The following NRXN3 variants were observed in gnomAD, a reference collection of about 807,000 sequenced individuals.
The protein encoded by NRXN3 is neurexin 3.
In NRXN3, 32 loss-of-function variants were observed where a neutral mutation model predicts 137.6. That is an observed-to-expected ratio of 0.23 (90% CI 0.18 to 0.31). The LOEUF (loss-of-function observed/expected upper bound fraction) is 0.31, where lower values mean the gene tolerates loss of function less well. Among genes scored for constraint, NRXN3 ranks in the 10% least tolerant of loss-of-function variants. The pLI is 1.00. For synonymous variants in NRXN3, 798 were observed against 784.5 expected, an observed-to-expected ratio of 1.02 and a Z score of -0.29; for missense variants, 1,574 against 2,062.5, an observed-to-expected ratio of 0.76 and a Z score of 4.59.
At chr14:78,801,582 A>G (rs1349792240) in intron 8 of NRXN3, among the ~76,000 whole-genome samples, 1 of 152,174 alleles carries the variant, frequency 6.6e-6, no homozygotes, top group Non-Finnish European at 1.5e-5. Context: ...ATTATCTCCC[A>G]CTAGGCCCCT....
chr14:78,419,237 TTTTTA>T (rs1012422002), intron 4 of NRXN3, among the ~76,000 whole-genome samples: 5 of 152,172 alleles, frequency 3.3e-5, no homozygotes, highest in African/African-American at 1.2e-4. Context: ...CTTTTTAATT[TTTTTA>T]TTTTATTTTA....
intron 4 of NRXN3, among the ~76,000 whole-genome samples, chr14:78,561,031 T>TAG (rs2096781730): frequency 6.6e-6 from 1 of 152,194 alleles, no homozygotes; most frequent in African/African-American, 2.4e-5. Flanking sequence ...TTTAGTGACT[T>TAG]AGAACAGCAT....
At chr14:79,106,631 A>G (rs1456049458) in intron 15 of NRXN3, among the ~76,000 whole-genome samples, 1 of 152,178 alleles carries the variant, frequency 6.6e-6, no homozygotes, top group African/African-American at 2.4e-5. Flanking sequence ...GACACATCAT[A>G]TAATTTAAAT....
chr14:78,343,401 G>A (rs928352818), intron 4 of NRXN3, among the ~76,000 whole-genome samples: 5 of 152,130 alleles, frequency 3.3e-5, no homozygotes, highest in African/African-American at 7.2e-5. Flanking sequence ...CTCCCAAATC[G>A]CTCATGTTCT....
At chr14:79,568,538 A>G (rs901701468) in intron 16 of NRXN3, among the ~76,000 whole-genome samples, 18 of 146,964 alleles carry the variant, frequency 1.2e-4, no homozygotes, top group African/African-American at 4.5e-4. Flanking sequence ...TTCTCACTAT[A>G]TCTACCCACC....
intron 16 of NRXN3, among the ~76,000 whole-genome samples, chr14:79,518,367 G>A (rs955097545): frequency 6.6e-6 from 1 of 151,974 alleles, no homozygotes; most frequent in South Asian, 2.1e-4. Flanking sequence ...TCTATTTAGT[G>A]ACATGATCTG....
intron 4 of NRXN3, among the ~76,000 whole-genome samples, chr14:78,326,772 T>C (rs1326474837): frequency 1.3e-5 from 2 of 152,180 alleles, no homozygotes; most frequent in African/African-American, 4.8e-5. Context: ...TGATCTGTTC[T>C]AGGTGTGGGG....
intron 19 of NRXN3, among the ~76,000 whole-genome samples, chr14:79,759,080 A>T (rs2099029725): frequency 6.6e-6 from 1 of 152,200 alleles, no homozygotes; most frequent in African/African-American, 2.4e-5. Flanking sequence ...ATACCATGTA[A>T]TAAGATTTTT....
chr14:78,848,165 T>A (rs1267361641), intron 10 of NRXN3, among the ~76,000 whole-genome samples: 1 of 152,102 alleles, frequency 6.6e-6, no homozygotes, highest in African/African-American at 2.4e-5. Flanking sequence ...TGCTAGTTTA[T>A]CCTCCCTTCA....
intron 4 of NRXN3, among the ~76,000 whole-genome samples, chr14:78,335,257 A>G (rs1279192471): frequency 6.6e-6 from 1 of 152,222 alleles, no homozygotes; most frequent in Non-Finnish European, 1.5e-5. Flanking sequence ...AGGCTGTTGC[A>G]TTATTTTCCC....
intron 10 of NRXN3, among the ~76,000 whole-genome samples, chr14:78,955,926 G>C (rs1361566198): frequency 6.6e-6 from 1 of 152,072 alleles, no homozygotes; most frequent in Non-Finnish European, 1.5e-5. Context: ...AAATTACTTA[G>C]ATAAAATATA....
At chr14:78,986,440 G>A (rs1242678242) in intron 14 of NRXN3, among the ~76,000 whole-genome samples, 2 of 152,102 alleles carry the variant, frequency 1.3e-5, no homozygotes, top group South Asian at 4.2e-4. Context: ...GAAGAGAAGT[G>A]CCAGGCGGAC....
intron 4 of NRXN3, among the ~76,000 whole-genome samples, chr14:78,427,205 G>A (rs1448178087): frequency 6.6e-6 from 1 of 152,168 alleles, no homozygotes; most frequent in Admixed American, 6.5e-5. Flanking sequence ...CTTGATTTCA[G>A]TTATCTCACT....
At chr14:78,859,053 A>G (rs1322029114) in intron 10 of NRXN3, among the ~76,000 whole-genome samples, 2 of 151,842 alleles carry the variant, frequency 1.3e-5, no homozygotes, top group African/African-American at 4.9e-5. Flanking sequence ...AGGTAATTAA[A>G]TCACAGGGGG....
intron 1 of NRXN3, among the ~76,000 whole-genome samples, chr14:78,235,698 C>G (rs1243795914): frequency 2.0e-5 from 3 of 152,020 alleles, no homozygotes; most frequent in Non-Finnish European, 4.4e-5. Context: ...TTCAAATGCT[C>G]TTTTCTATGT....
rs866179764 is a variant in NRXN3, at chr14:79,619,673, G to C, written c.3445-44105G>C. Among the ~76,000 whole-genome samples, 8 of 152,096 alleles carry C rather than the reference G, an allele frequency of 5.3e-5. No individual in the cohort carries two copies. In the Middle Eastern group the frequency reaches 0.01, roughly 194 times the overall value. The stretch of plus-strand genomic sequence containing the variant: ...TTTACTCAGAATTACACAGAATACA[G>C]TATTCATAAAAATGAACCAACCATA... On this transcript the variant is annotated intron_variant, in intron 16 of 20. Transcript: ENST00000335750.
intron 4 of NRXN3, among the ~76,000 whole-genome samples, chr14:78,330,683 G>T (rs1452070644): frequency 1.3e-5 from 2 of 152,014 alleles, no homozygotes; most frequent in African/African-American, 2.4e-5. Flanking sequence ...TTTTGAATTT[G>T]TCCAGTCTTT....
At chr14:78,667,505 G>C (rs918488687) in intron 6 of NRXN3, among the ~76,000 whole-genome samples, 1 of 152,140 alleles carries the variant, frequency 6.6e-6, no homozygotes, top group Non-Finnish European at 1.5e-5. Context: ...CAGCAATGCT[G>C]TATATAATAT....
chr14:78,751,408 G>A (rs1050082144), intron 8 of NRXN3, among the ~76,000 whole-genome samples: 3 of 151,572 alleles, frequency 2.0e-5, no homozygotes, highest in Admixed American at 6.6e-5. Flanking sequence ...TAACTCAGGG[G>A]AGGAGTCCAG....
Sources: allele counts gnomAD v4.1 joint callset (sites outside exome capture counted in the v4.1 genomes callset), GRCh38; gene constraint gnomAD v4.1.1; transcripts MANE v1.5; gene names NCBI Gene and HGNC (gene_info 2026-07-23, HGNC 2026-07-21).